TTC21B: variants seen among roughly 807,000 people sequenced by gnomAD.
The protein encoded by TTC21B is tetratricopeptide repeat domain 21B.
Under a neutral mutation model 175.1 loss-of-function variants are expected in TTC21B, and 127 were observed. The observed-to-expected ratio is 0.73, with a 90% CI of 0.63 to 0.84. The LOEUF (loss-of-function observed/expected upper bound fraction) is 0.84. Among genes scored for constraint, TTC21B ranks in the 40% least tolerant of loss-of-function variants. The pLI, the probability that TTC21B is intolerant of heterozygous loss-of-function variation, is 0.00. For missense variants in TTC21B, 1,561 were observed against 1,558.3 expected, an observed-to-expected ratio of 1.00 and a Z score of -0.03; for synonymous variants, 524 against 524.5, an observed-to-expected ratio of 1.00 and a Z score of 0.01.
rs1559038139 is a variant in TTC21B, at chr2:165,883,788, A to T, written c.3684+6T>A. 1 of 1,607,878 alleles carries T rather than the reference A, an allele frequency of 6.2e-7. No individual in the cohort carries two copies. Among genetic ancestry groups the T allele is most frequent in the East Asian group, 2.2e-5 (1 of 44,822 alleles). Reference sequence around the variant, plus strand: ...AATAATTATTTTTTACTCTTCAATCACCTACTCTATTATGACGCAGGCACC... The same window carrying T: ...AATAATTATTTTTTACTCTTCAATCTCCTACTCTATTATGACGCAGGCACC... On this transcript the variant is annotated splice_donor_region_variant and intron_variant, in intron 26 of 28. Transcript: ENST00000243344.
intron 3 of TTC21B, 188 bp downstream of exon 3, chr2:165,949,206 T>C (rs1687683488): frequency 5.0e-6 from 3 of 602,040 alleles, no homozygotes; most frequent in Non-Finnish European, 8.9e-6. Context: ...AACACGAAAA[T>C]AGTATAAGAC....
At chr2:165,911,594 A>C (rs1574094351) in intron 17 of TTC21B, 129 bp from the exon 18 acceptor site, 3 of 994,488 alleles carry the variant, frequency 3.0e-6, no homozygotes, top group East Asian at 2.6e-5. Context: ...GTAGGCATAC[A>C]CCTGCCTGTC....
chr2:165,903,340 G>C (rs1685627225), intron 19 of TTC21B, among the ~76,000 whole-genome samples: 1 of 151,996 alleles, frequency 6.6e-6, no homozygotes, highest in South Asian at 2.1e-4. Flanking sequence ...GAGAATGAGG[G>C]ATACACTGCC....
chr2:165,899,622 G>A (rs1326842067), intron 21 of TTC21B, 148 bp downstream of exon 21: 4 of 687,296 alleles, frequency 5.8e-6, no homozygotes, highest in African/African-American at 3.6e-5. Context: ...GGTCTTTATT[G>A]GTAAAATGTA....
At chr2:165,911,519 G>T (rs929965565) in intron 17 of TTC21B, 54 bp from the exon 18 acceptor site, 5 of 1,603,058 alleles carry the variant, frequency 3.1e-6, no homozygotes, top group Non-Finnish European at 4.3e-6. Context: ...TGGCATTCAA[G>T]CAGAGCTATT....
intron 22 of TTC21B, among the ~76,000 whole-genome samples, chr2:165,892,914 G>A (rs2043232): frequency 0.98 from 149,992 of 152,296 alleles, 73,913 homozygotes; most frequent in Middle Eastern, 1. Context: ...CTTTAAAAAA[G>A]ACTTTTGGAA....
At chr2:165,907,473 A>T (rs1011688160) in intron 19 of TTC21B, among the ~76,000 whole-genome samples, 3 of 152,258 alleles carry the variant, frequency 2.0e-5, no homozygotes, top group African/African-American at 7.2e-5. Flanking sequence ...TGGGATTAAA[A>T]AATTCCAACC....
rs1018027581 is a variant in TTC21B at position 165,874,672 on chromosome 2, C to T, written c.*83G>A. 1 of 1,305,422 alleles carries T rather than the reference C, an allele frequency of 7.7e-7. No individual in the cohort carries two copies. Among genetic ancestry groups the T allele is most frequent in the African/African-American group, 1.5e-5 (1 of 68,852 alleles). 80.9% of individuals were successfully genotyped at this position (1,305,422 alleles called of 1,614,324 possible). Reference sequence around the variant, plus strand: ...ATACTTCTAATAACAAAGCACTGAGCTCAAACCTGTTTTGAACAGGAAGAA... The same window carrying T: ...ATACTTCTAATAACAAAGCACTGAGTTCAAACCTGTTTTGAACAGGAAGAA... On this transcript the variant is annotated 3_prime_UTR_variant, in exon 29 of 29. Coordinates refer to ENST00000243344, the MANE Select transcript of TTC21B (RefSeq NM_024753.5).
At chr2:165,878,999 G>T (rs897800683) in intron 27 of TTC21B, among the ~76,000 whole-genome samples, 1 of 151,990 alleles carries the variant, frequency 6.6e-6, no homozygotes, top group East Asian at 1.9e-4. Flanking sequence ...TGATTTTAAG[G>T]GTTTTCTGAC....
In TTC21B at chr2:165,930,175, C is replaced by A. The variant is rs144279708; in HGVS notation, c.1084G>T (p.Val362Phe). The A allele has an allele frequency of 6.2e-7, 1 of 1,612,626 alleles. No individual in the cohort carries two copies. Among genetic ancestry groups the A allele is most frequent in the Non-Finnish European group, 8.5e-7 (1 of 1,178,972 alleles). ...TLDETSVSAL[V>F]GFIQCQLIEG... The stretch of plus-strand genomic sequence containing the variant: ...TTTATGAAAACAGTTGTCATACCAA[C>A]TAGGGCAGACACACTAGTCTCATCA... The change falls in exon 9 of 29, where the codon GTT (valine) becomes TTT (phenylalanine). Residue 362 changes from valine to phenylalanine, a missense_variant. By Grantham distance (50) the Val-to-Phe change is conservative. Coordinates refer to ENST00000243344, the MANE Select transcript of TTC21B (RefSeq NM_024753.5).
chr2:165,911,358 T>C lies in TTC21B; in HGVS notation c.2430A>G (p.Lys810=). Residue 810 remains lysine, a synonymous_variant, in exon 18 of 29, where the codon AAA becomes AAG. Transcript: ENST00000243344. ...LKLKWYDKAE[K]VLQHALAHEP... The stretch of plus-strand genomic sequence containing the variant: ...CATGAGCCAGAGCATGCTGAAGAAC[T>C]TTTTCTGCTTTGTCATACCATTTCA... 3 of 1,613,856 alleles carry C rather than the reference T, an allele frequency of 1.9e-6. No homozygotes were observed. Among genetic ancestry groups the C allele is most frequent in the Non-Finnish European group, 2.5e-6 (3 of 1,179,858 alleles).
chr2:165,916,239 G>A (rs1455433484), intron 14 of TTC21B, among the ~76,000 whole-genome samples: 1 of 152,144 alleles, frequency 6.6e-6, no homozygotes, highest in Non-Finnish European at 1.5e-5. Flanking sequence ...TGCCAGCTGA[G>A]GAGACAGAGT....
At position 165,880,789 on chromosome 2, in the gene TTC21B, T is replaced by C. The variant is rs1305752378; in HGVS notation, c.3695A>G (p.Lys1232Arg). 5 of 1,612,472 alleles carry C rather than the reference T, an allele frequency of 3.1e-6. No individual in the cohort carries two copies. The South Asian group carries it at 5.5e-5, about 18-fold the overall frequency. ...AATGTATCCCATATATTCATAAGCTTTGCAGCAAGACTGAAGAAAAATGGG... is the reference window on the plus strand; with the variant it reads ...AATGTATCCCATATATTCATAAGCTCTGCAGCAAGACTGAAGAAAAATGGG... ...RCLRHNRSCCKAYEYMGYIME... is the reference protein window; with the variant it reads ...RCLRHNRSCCRAYEYMGYIME... The change falls in exon 27 of 29, where the codon AAA becomes AGA. Residue 1232 changes from lysine (K) to arginine (R), a missense_variant. Physicochemically the swap from Lys to Arg is conservative, Grantham distance 26. Transcript: ENST00000243344.
chr2:165,936,441 A>T (rs781298457), intron 6 of TTC21B, among the ~76,000 whole-genome samples: 1 of 152,088 alleles, frequency 6.6e-6, no homozygotes, highest in Non-Finnish European at 1.5e-5. Flanking sequence ...ATAATTCATG[A>T]AAGAAAGAGT....
At chr2:165,921,621 G>C (rs1686408191) in intron 12 of TTC21B, among the ~76,000 whole-genome samples, 1 of 152,118 alleles carries the variant, frequency 6.6e-6, no homozygotes, top group Non-Finnish European at 1.5e-5. Flanking sequence ...TCTGTGGCTG[G>C]TGTCTGAAGT....
At chr2:165,922,859 C>G (rs1686468809) in intron 12 of TTC21B, among the ~76,000 whole-genome samples, 2 of 151,884 alleles carry the variant, frequency 1.3e-5, no homozygotes, top group Admixed American at 1.3e-4. Context: ...GATGAGTGGA[C>G]AAATAAAATG....
Position 165,890,824 on chromosome 2 carries a change from G to C in TTC21B, c.3101+14C>G, listed in dbSNP as rs774278685. On this transcript the variant is annotated intron_variant, in intron 23 of 28. Coordinates refer to ENST00000243344, the MANE Select transcript of TTC21B (RefSeq NM_024753.5). The stretch of plus-strand genomic sequence containing the variant: ...AAAAAAAATCATGTAGCATTTATTT[G>C]TAAATAGATTTACCAAAGATACAGT... The C allele has an allele frequency of 6.2e-7, 1 of 1,610,312 alleles. No homozygotes were observed. Among genetic ancestry groups the C allele is most frequent in the Non-Finnish European group, 8.5e-7 (1 of 1,177,832 alleles).
chr2:165,881,781 AAT>A (rs1192682144), intron 26 of TTC21B, among the ~76,000 whole-genome samples: 2 of 152,148 alleles, frequency 1.3e-5, no homozygotes, highest in Non-Finnish European at 2.9e-5. Flanking sequence ...TTTTTTCCAG[AAT>A]ATGAGTTTAA....
In TTC21B at chr2:165,930,354, C is replaced by G; in HGVS notation, c.905G>C (p.Ser302Thr). 1 of 1,609,992 alleles carries G rather than the reference C, an allele frequency of 6.2e-7. No homozygotes were observed. The highest frequency in any genetic ancestry group is 8.5e-7 in the Non-Finnish European group (1 of 1,177,700). Residue 302 changes from serine to threonine, a missense_variant, in exon 9 of 29, where the codon AGT becomes ACT. By Grantham distance (58) the Ser-to-Thr change is moderately conservative (BLOSUM62 1). Transcript: ENST00000243344. ...TTGAATTTTTTGAAGAATAAGTTGA[C>G]TACGTCCACACTAAAAAGAAAAAAA... ...TLAFSRTCGR[S>T]QLILQKIQTL...
Sources: gnomAD v4.1 joint callset for allele counts (sites outside exome capture counted in the v4.1 genomes callset) on GRCh38, gnomAD v4.1.1 for gene constraint, MANE v1.5 for transcripts, NCBI Gene and HGNC (gene_info 2026-07-23, HGNC 2026-07-21) for gene names.